Variants in KCNIP4 observed in about 807,000 individuals in gnomAD.
KCNIP4 encodes potassium voltage-gated channel interacting protein 4.
KCNIP4 carries 12 observed loss-of-function variants against 34.0 expected under a neutral mutation model. The ratio of observed to expected loss-of-function variants is 0.35; its 90% CI spans 0.23 to 0.57. KCNIP4 has a LOEUF of 0.57. Among genes scored for constraint, KCNIP4 ranks in the 20% least tolerant of loss-of-function variants. The pLI is 0.83. For missense variants in KCNIP4, 238 were observed against 311.7 expected, an observed-to-expected ratio of 0.76 and a Z score of 1.78; for synonymous variants, 124 against 102.2, an observed-to-expected ratio of 1.21 and a Z score of -1.29.
intron 1 of KCNIP4, among the ~76,000 whole-genome samples, chr4:21,413,322 G>A (rs1047924872): frequency 2.0e-5 from 3 of 152,136 alleles, no homozygotes; most frequent in Non-Finnish European, 4.4e-5. Flanking sequence ...AATGGCCATG[G>A]AACTTTGATC....
intron 1 of KCNIP4, among the ~76,000 whole-genome samples, chr4:21,059,341 T>C (rs1743707328): frequency 6.6e-6 from 1 of 152,130 alleles, no homozygotes; most frequent in Non-Finnish European, 1.5e-5. Flanking sequence ...GAGAACCCAA[T>C]CTGGTTCATT....
At chr4:21,687,224 A>G (rs1334108115) in intron 1 of KCNIP4, among the ~76,000 whole-genome samples, 1 of 145,922 alleles carries the variant, frequency 6.9e-6, no homozygotes, top group Non-Finnish European at 1.5e-5. Flanking sequence ...ATGCTAGATG[A>G]CGCGTTAGTG....
intron 1 of KCNIP4, among the ~76,000 whole-genome samples, chr4:21,547,397 TTATATC>T (rs1343417216): frequency 6.6e-6 from 1 of 152,100 alleles, no homozygotes; most frequent in Non-Finnish European, 1.5e-5. Context: ...CATTTATAGA[TTATATC>T]TATATATATG....
At chr4:21,710,200 C>T (rs897303383) in intron 1 of KCNIP4, among the ~76,000 whole-genome samples, 1 of 152,138 alleles carries the variant, frequency 6.6e-6, no homozygotes, top group Non-Finnish European at 1.5e-5. Flanking sequence ...TAGGTAAAGG[C>T]AAAGCTTGGC....
intron 1 of KCNIP4, among the ~76,000 whole-genome samples, chr4:21,215,674 C>A (rs1256812496): frequency 6.6e-5 from 10 of 152,062 alleles, no homozygotes; most frequent in Admixed American, 6.6e-4. Context: ...GGTACTAGGT[C>A]AGGGAAAAGG....
At chr4:21,540,781 G>A (rs1197888288) in intron 1 of KCNIP4, among the ~76,000 whole-genome samples, 1 of 152,106 alleles carries the variant, frequency 6.6e-6, no homozygotes, top group African/African-American at 2.4e-5. Flanking sequence ...TTGTTTGGAG[G>A]CCCTGCTGTA....
rs1462767664 is a variant in KCNIP4, at chr4:21,372,441, T to C, written c.62-489732A>G. Among the ~76,000 whole-genome samples, 2 of 146,608 alleles carry C rather than the reference T, an allele frequency of 1.4e-5. 1 individual carries two copies. The highest frequency in any genetic ancestry group is 4.0e-4 in the East Asian group (2 of 5,036). The stretch of plus-strand genomic sequence containing the variant: ...ACAGATATAGATATAGATGTGTATA[T>C]ATATGTGTGTATGTGTGTGTATACA... On this transcript the variant is annotated intron_variant, in intron 1 of 8. Coordinates refer to ENST00000382152, the MANE Select transcript of KCNIP4 (RefSeq NM_025221.6).
At chr4:21,787,437 A>C (rs939108507) in intron 1 of KCNIP4, among the ~76,000 whole-genome samples, 1 of 152,190 alleles carries the variant, frequency 6.6e-6, no homozygotes, top group African/African-American at 2.4e-5. Context: ...CTAGGGTTAG[A>C]TGCTCTCTCA....
intron 1 of KCNIP4, among the ~76,000 whole-genome samples, chr4:21,713,230 GA>G (rs1713881589): frequency 6.6e-6 from 1 of 152,170 alleles, no homozygotes; most frequent in Non-Finnish European, 1.5e-5. Context: ...GTCTACAGGG[GA>G]TATGTCATCA....
At chr4:21,767,057 T>G (rs1243716868) in intron 1 of KCNIP4, among the ~76,000 whole-genome samples, 1 of 151,558 alleles carries the variant, frequency 6.6e-6, no homozygotes, top group Non-Finnish European at 1.5e-5. Flanking sequence ...AGAAAGGGAG[T>G]CAGGGAATCT....
At chr4:20,985,218 T>C (rs2149697527) in intron 1 of KCNIP4, among the ~76,000 whole-genome samples, 1 of 152,310 alleles carries the variant, frequency 6.6e-6, no homozygotes, top group Non-Finnish European at 1.5e-5. Flanking sequence ...GCAAGACACT[T>C]AACCACTCTA....
intron 1 of KCNIP4, among the ~76,000 whole-genome samples, chr4:21,768,892 C>T (rs1022931675): frequency 6.6e-6 from 1 of 151,988 alleles, no homozygotes; most frequent in Admixed American, 6.6e-5. Flanking sequence ...TTGTTGGATA[C>T]ATTACATGTA....
chr4:20,905,388 C>T (rs1727624573), intron 1 of KCNIP4, among the ~76,000 whole-genome samples: 1 of 152,058 alleles, frequency 6.6e-6, no homozygotes, highest in Non-Finnish European at 1.5e-5. Context: ...ATCACAACCT[C>T]ACAGATTGGT....
chr4:21,202,290 C>T (rs1200214033), intron 1 of KCNIP4, among the ~76,000 whole-genome samples: 1 of 152,212 alleles, frequency 6.6e-6, no homozygotes, highest in Non-Finnish European at 1.5e-5. Flanking sequence ...AACATGGATG[C>T]AGCTGGAGGC....
chr4:21,566,953 T>C lies in KCNIP4; in HGVS notation c.61+381618A>G, dbSNP rs1385042277. Reference sequence around the variant, plus strand: ...ACCTCTATATTGTGTAATGCCAGATTTGTGTAAATCAGAAAAGAACTGCCA... The same window carrying C: ...ACCTCTATATTGTGTAATGCCAGATCTGTGTAAATCAGAAAAGAACTGCCA... On this transcript the variant is annotated intron_variant, in intron 1 of 8. Coordinates refer to ENST00000382152, the MANE Select transcript of KCNIP4 (RefSeq NM_025221.6). 3.9e-5 allele frequency among the ~76,000 whole-genome samples: 6 copies of C among 152,082 alleles called. 1 individual carries two copies. The highest frequency in any genetic ancestry group is 8.8e-5 in the Non-Finnish European group (6 of 68,008).
At chr4:21,862,797 T>TAAA (rs1725154741) in intron 1 of KCNIP4, among the ~76,000 whole-genome samples, 1 of 151,994 alleles carries the variant, frequency 6.6e-6, no homozygotes, top group Non-Finnish European at 1.5e-5. Context: ...CTGTCTCTAC[T>TAAA]AAAAATACAA....
At chr4:20,775,555 A>C (rs1319072037) in intron 3 of KCNIP4, among the ~76,000 whole-genome samples, 1 of 151,378 alleles carries the variant, frequency 6.6e-6, no homozygotes, top group Non-Finnish European at 1.5e-5. Context: ...AAAAAAAAAA[A>C]AAAGTTAGCC....
chr4:21,033,509 A>G (rs1018606413), intron 1 of KCNIP4, among the ~76,000 whole-genome samples: 11 of 152,128 alleles, frequency 7.2e-5, no homozygotes, highest in African/African-American at 2.7e-4. Flanking sequence ...GGGCATGCAT[A>G]CTCTTCGTGT....
intron 1 of KCNIP4, among the ~76,000 whole-genome samples, chr4:21,006,213 C>A (rs1019582911): frequency 2.0e-5 from 3 of 152,252 alleles, no homozygotes; most frequent in Middle Eastern, 3.4e-3. Flanking sequence ...AAGAAACCTG[C>A]ATGCAGAGGA....
Sources: allele counts gnomAD v4.1 joint callset (sites outside exome capture counted in the v4.1 genomes callset), GRCh38; gene constraint gnomAD v4.1.1; transcripts MANE v1.5; gene names NCBI Gene and HGNC (gene_info 2026-07-23, HGNC 2026-07-21).